Variants in TMEM135 observed in about 807,000 individuals in gnomAD.
TMEM135 encodes peroxisomal membrane protein 52.
Under a neutral mutation model 60.3 loss-of-function variants are expected in TMEM135, and 30 were observed. The observed-to-expected ratio is 0.50, with a 90% CI of 0.37 to 0.68. The LOEUF is 0.68. TMEM135 is among the 30% of genes least tolerant of loss of function. The pLI is 0.00. For missense variants in TMEM135, 468 were observed against 548.8 expected (o/e 0.85, Z 1.47); for synonymous variants, 190 against 186.7 (o/e 1.02, Z -0.14).
At chr11:87,202,852 G>A (rs1400555111) in intron 5 of TMEM135, among the ~76,000 whole-genome samples, 1 of 150,942 alleles carries the variant, frequency 6.6e-6, no homozygotes, top group Non-Finnish European at 1.5e-5. Context: ...CTAACACGGT[G>A]AAACCCCGTC....
chr11:87,277,298 AT>A, intron 6 of TMEM135: 1 of 374,654 alleles, frequency 2.7e-6, no homozygotes, highest in Non-Finnish European at 5.3e-6. Flanking sequence ...TGCCTGGCTA[AT>A]TTTTGTATTT....
At chr11:87,099,311 TA>T (rs1206270603) in intron 4 of TMEM135, among the ~76,000 whole-genome samples, 4 of 151,540 alleles carry the variant, frequency 2.6e-5, no homozygotes, top group African/African-American at 7.3e-5. Flanking sequence ...ATACTGTATT[TA>T]AAAAAAAATT....
intron 6 of TMEM135, among the ~76,000 whole-genome samples, chr11:87,257,765 G>T (rs72957842): frequency 0.024 from 3,631 of 152,028 alleles, 66 homozygotes; most frequent in Non-Finnish European, 0.034. Context: ...TTTTTTTAGG[G>T]TTGATGAAAA....
At position 87,258,602 on chromosome 11, in the gene TMEM135, G is replaced by C. The variant is rs376405871; in HGVS notation, c.509+21918G>C. ...ATTTTGTGAAAAGAGTGTGTGGCCA[G>C]AGCTGGAATAACCATTTGCATGGCT... On this transcript the variant is annotated intron_variant, in intron 6 of 14. Coordinates refer to ENST00000305494, the MANE Select transcript of TMEM135 (RefSeq NM_022918.4). 4.1e-4 allele frequency among the ~76,000 whole-genome samples: 62 copies of C among 152,278 alleles called. 1 individual carries two copies. Among genetic ancestry groups the C allele is most frequent in the African/African-American group, 1.3e-3 (54 of 41,550 alleles).
chr11:87,255,118 A>T (rs566583104), intron 6 of TMEM135, among the ~76,000 whole-genome samples: 4 of 152,006 alleles, frequency 2.6e-5, no homozygotes, highest in African/African-American at 9.6e-5. Flanking sequence ...CTCTGACACC[A>T]TTCTGACTAG....
At chr11:87,301,258 T>C (rs1942443159) in intron 7 of TMEM135, among the ~76,000 whole-genome samples, 1 of 143,894 alleles carries the variant, frequency 6.9e-6, no homozygotes, top group Admixed American at 7.0e-5. Flanking sequence ...CAAGTTACAT[T>C]TTTTTTTTTT....
At chr11:87,056,960 G>T (rs1178382125) in intron 1 of TMEM135, among the ~76,000 whole-genome samples, 2 of 152,182 alleles carry the variant, frequency 1.3e-5, no homozygotes, top group African/African-American at 4.8e-5. Flanking sequence ...ACTTAAGTAT[G>T]CAGAAGATGG....
intron 5 of TMEM135, among the ~76,000 whole-genome samples, chr11:87,222,061 A>G (rs995849179): frequency 2.0e-5 from 3 of 150,806 alleles, no homozygotes; most frequent in African/African-American, 7.3e-5. Context: ...GGGCGCCTGT[A>G]ATCCCAGCTA....
chr11:87,323,546 A>G lies in TMEM135; in HGVS notation c.*2213A>G, dbSNP rs187944620. The G allele has an allele frequency of 2.6e-4, 119 of 453,144 alleles. No individual in the cohort carries two copies. Among genetic ancestry groups the G allele is most frequent in the Middle Eastern group, 1.4e-3 (2 of 1,440 alleles). The allele number at this position is 453,144 out of a possible 1,614,324, so 28.1% of individuals were successfully genotyped here. A position where few individuals can be genotyped will look rare whatever the true frequency, so the allele number is the denominator to read the frequency against. On this transcript the variant is annotated 3_prime_UTR_variant, in exon 15 of 15. Coordinates refer to ENST00000305494, the MANE Select transcript of TMEM135 (RefSeq NM_022918.4). ...CATTCCAAAATATGTTTTTTAGTTT[A>G]TTTATATCCTGAAGAAATGGTAAGT...
rs759818439 is a variant in TMEM135 at position 87,321,244 on chromosome 11, G to C, written c.1288G>C (p.Gly430Arg). 1 of 1,613,476 alleles carries C rather than the reference G, an allele frequency of 6.2e-7. No homozygotes were observed. The highest frequency in any genetic ancestry group is 2.2e-5 in the East Asian group (1 of 44,850). The change falls in exon 15 of 15, where the codon GGT becomes CGT. Residue 430 changes from glycine (G) to arginine (R), a missense_variant. Transcript: ENST00000305494. ...AAAAGTCCTTGATGTTTTTGGTACT[G>C]GTGCATCTAAACACTTTCAGGATTT... Reference protein sequence around the residue: ...NRKVLDVFGTGASKHFQDFIP... With the variant: ...NRKVLDVFGTRASKHFQDFIP...
chr11:87,268,100 T>G (rs1473266911), intron 6 of TMEM135, among the ~76,000 whole-genome samples: 8 of 151,736 alleles, frequency 5.3e-5, no homozygotes, highest in Non-Finnish European at 1.0e-4. Flanking sequence ...GTACCTACTC[T>G]TTTTTGCCCG....
chr11:87,110,128 A>G (rs994679084), intron 4 of TMEM135, among the ~76,000 whole-genome samples: 2 of 152,298 alleles, frequency 1.3e-5, no homozygotes, highest in East Asian at 1.9e-4. Context: ...CTGTAGAGGT[A>G]TAGCTGGTTG....
chr11:87,077,122 C>G (rs925573819), intron 3 of TMEM135, among the ~76,000 whole-genome samples: 1 of 152,224 alleles, frequency 6.6e-6, no homozygotes, highest in Non-Finnish European at 1.5e-5. Flanking sequence ...CTTGAACTAT[C>G]CCTTTGTAGT....
rs1419898697 is a variant in TMEM135 at position 87,327,155 on chromosome 11, T to C, written c.*5822T>C. On this transcript the variant is annotated 3_prime_UTR_variant, in exon 15 of 15. Coordinates refer to ENST00000305494, the MANE Select transcript of TMEM135 (RefSeq NM_022918.4). Reference sequence around the variant, plus strand: ...CCAACCAGCCTTTACTCGGAGGTGTTCATGTGACCCTGTTTTGGCCAATAA... The same window carrying C: ...CCAACCAGCCTTTACTCGGAGGTGTCCATGTGACCCTGTTTTGGCCAATAA... 1 of 453,938 alleles carries C rather than the reference T, an allele frequency of 2.2e-6. No individual in the cohort carries two copies. Among genetic ancestry groups the C allele is most frequent in the Non-Finnish European group, 4.4e-6 (1 of 226,800 alleles). 28.1% of individuals were successfully genotyped at this position (453,938 alleles called of 1,614,324 possible).
At chr11:87,254,186 T>C (rs1258792478) in intron 6 of TMEM135, among the ~76,000 whole-genome samples, 5 of 152,146 alleles carry the variant, frequency 3.3e-5, no homozygotes, top group Non-Finnish European at 5.9e-5. Flanking sequence ...AGTTTATTAG[T>C]ATTGGTGATT....
chr11:87,116,058 T>C (rs1857871510), intron 4 of TMEM135, among the ~76,000 whole-genome samples: 3 of 152,142 alleles, frequency 2.0e-5, no homozygotes, highest in Non-Finnish European at 4.4e-5. Flanking sequence ...TTACTTTTCA[T>C]TTGTAACTCT....
At chr11:87,262,177 T>C (rs941653823) in intron 6 of TMEM135, among the ~76,000 whole-genome samples, 1 of 152,100 alleles carries the variant, frequency 6.6e-6, no homozygotes, top group Non-Finnish European at 1.5e-5. Context: ...ATGAACATTG[T>C]TTTTAAAATA....
intron 5 of TMEM135, among the ~76,000 whole-genome samples, chr11:87,173,299 C>T (rs375424788): frequency 2.0e-5 from 3 of 152,200 alleles, no homozygotes; most frequent in South Asian, 4.1e-4. Flanking sequence ...TCATTGATAG[C>T]GTCCTAAAGG....
intron 4 of TMEM135, among the ~76,000 whole-genome samples, chr11:87,128,457 A>G (rs531616061): frequency 2.6e-4 from 39 of 152,244 alleles, no homozygotes; most frequent in Non-Finnish European, 2.6e-4. Context: ...TTCTCTTCCT[A>G]CTAAGAGAAG....
Sources: allele counts gnomAD v4.1 joint callset (sites outside exome capture counted in the v4.1 genomes callset), GRCh38; gene constraint gnomAD v4.1.1; transcripts MANE v1.5; gene names NCBI Gene and HGNC (gene_info 2026-07-23, HGNC 2026-07-21).